The following ABCG4 variants were observed in gnomAD, a reference collection of about 807,000 sequenced individuals.
ABCG4 encodes the protein ATP-binding cassette sub-family G member 4.
Under a neutral mutation model 64.6 loss-of-function variants are expected in ABCG4, and 35 were observed. That is an observed-to-expected ratio of 0.54 (90% CI 0.41 to 0.72). The LOEUF is 0.72. Among genes scored for constraint, ABCG4 ranks in the 30% least tolerant of loss-of-function variants. The probability of loss-of-function intolerance (pLI) is 0.00; values close to 1 mark genes in which losing one functional copy is unlikely to be tolerated. For missense variants in ABCG4, 610 were observed against 846.3 expected, an observed-to-expected ratio of 0.72 and a Z score of 3.46; for synonymous variants, 326 against 348.2, an observed-to-expected ratio of 0.94 and a Z score of 0.71.
intron 9 of ABCG4, among the ~76,000 whole-genome samples, chr11:119,157,810 GA>G (rs1948286352): frequency 6.6e-6 from 1 of 152,154 alleles, no homozygotes; most frequent in African/African-American, 2.4e-5. Flanking sequence ...AGCTTGCAGT[GA>G]GCTGAGATTG....
chr11:119,158,186 G>T lies in ABCG4; in HGVS notation c.1069-48G>T, dbSNP rs748614293. 6.8e-7 allele frequency: 1 copy of T among 1,469,530 alleles called. No individual in the cohort carries two copies. Among genetic ancestry groups the T allele is most frequent in the East Asian group, 2.3e-5 (1 of 43,698 alleles). The allele number at this position is 1,469,530 out of a possible 1,614,324, so 91.0% of individuals were successfully genotyped here. The stretch of plus-strand genomic sequence containing the variant: ...ATTCACTGAGCTGGGTGTTCTGTGG[G>T]TGAATGGGGTAGGCTCACCTGATCC... On this transcript the variant is annotated intron_variant, in intron 9 of 14. Transcript: ENST00000619701. This position sits in a 1 kb window ranked among gnomAD's most constrained non-coding sequence, Gnocchi z 4.5.
chr11:119,154,431 CT>C lies in ABCG4; in HGVS notation c.489+40del. On this transcript the variant is annotated intron_variant, in intron 4 of 14. Coordinates refer to ENST00000619701, the MANE Select transcript of ABCG4 (RefSeq NM_022169.5). This position sits in a 1 kb window ranked among gnomAD's most constrained non-coding sequence, Gnocchi z 7.0. ...AGTCACCCCTCCTCCCAGCAACCCCCTCTGTCTGCTGTCGCCACCTTCACCA... is the reference window on the plus strand; with the variant it reads ...AGTCACCCCTCCTCCCAGCAACCCCCCTGTCTGCTGTCGCCACCTTCACCA... 1.2e-6 allele frequency: 2 copies of C among 1,614,140 alleles called. No individual in the cohort carries two copies. The highest frequency in any genetic ancestry group is 1.7e-6 in the Non-Finnish European group (2 of 1,180,020).
In ABCG4 at chr11:119,149,988, C is replaced by T; in HGVS notation, c.23C>T (p.Ala8Val). 6.2e-7 allele frequency: 1 copy of T among 1,609,000 alleles called. No individual in the cohort carries two copies. Among genetic ancestry groups the T allele is most frequent in the Non-Finnish European group, 8.5e-7 (1 of 1,179,828 alleles). The change falls in exon 2 of 15, where the codon GCC becomes GTC. Residue 8 changes from alanine to valine, a missense_variant. Physicochemically the swap from Ala to Val is moderately conservative, Grantham distance 64 (BLOSUM62 0). Coordinates refer to ENST00000619701, the MANE Select transcript of ABCG4 (RefSeq NM_022169.5). The surrounding 1 kb of genome is among the most constrained non-coding windows in gnomAD (Gnocchi z 8.3). MAEKALE[A>V]VGCGLGPGAV... ...GTGATGGCGGAGAAGGCGCTGGAGG[C>T]CGTGGGCTGTGGACTAGGGCCGGGG...
At chr11:119,153,112 C>T (rs1948213593) in intron 2 of ABCG4, 2 of 152,342 alleles carry the variant, frequency 1.3e-5, no homozygotes, top group African/African-American at 4.8e-5. Flanking sequence ...ATTCTATGTG[C>T]CAAGCACTGT....
Position 119,156,736 on chromosome 11 carries a change from T to C in ABCG4, c.925+58T>C, listed in dbSNP as rs1361494606. 1 of 1,602,448 alleles carries C rather than the reference T, an allele frequency of 6.2e-7. No homozygotes were observed. Among genetic ancestry groups the C allele is most frequent in the Non-Finnish European group, 8.5e-7 (1 of 1,169,768 alleles). ...ACAGCAGTGGGCCGAACCTGGGGTC[T>C]CTGGTCTTGCACTCAGGCCTCCTAG... On this transcript the variant is annotated intron_variant, in intron 8 of 14. Transcript: ENST00000619701. The surrounding 1 kb of genome is among the most constrained non-coding windows in gnomAD (Gnocchi z 5.5).
Position 119,149,250 on chromosome 11 carries a change from G to A in ABCG4, c.-126G>A, listed in dbSNP as rs912265261. The A allele has an allele frequency of 6.6e-6, 1 of 151,260 alleles. No individual in the cohort carries two copies. The highest frequency in any genetic ancestry group is 2.4e-5 in the African/African-American group (1 of 41,210). 9.4% of individuals were successfully genotyped at this position (151,260 alleles called of 1,614,324 possible). On this transcript the variant is annotated 5_prime_UTR_variant, in exon 1 of 15. Transcript: ENST00000619701. This position sits in a 1 kb window ranked among gnomAD's most constrained non-coding sequence, Gnocchi z 8.3. ...CCGGCCCGGGCCGCCGGGACCGGGA[G>A]CCGGGACGCGGGTGCCGCAGCCCGA...
chr11:119,149,295 G>T lies in ABCG4; in HGVS notation c.-81G>T, dbSNP rs1369370780. 1 of 151,698 alleles carries T rather than the reference G, an allele frequency of 6.6e-6. No homozygotes were observed. The highest frequency in any genetic ancestry group is 2.4e-5 in the African/African-American group (1 of 41,334). The allele number at this position is 151,698 out of a possible 1,614,324, so 9.4% of individuals were successfully genotyped here. A position where few individuals can be genotyped will look rare whatever the true frequency, so the allele number is the denominator to read the frequency against. ...GCCCGAGGCAGGTAAGGGGAGCCCC[G>T]GCTCTCCGTCCCCGGTCCGTGGCAG... On this transcript the variant is annotated 5_prime_UTR_variant, in exon 1 of 15. Coordinates refer to ENST00000619701, the MANE Select transcript of ABCG4 (RefSeq NM_022169.5). The surrounding 1 kb of genome is among the most constrained non-coding windows in gnomAD (Gnocchi z 8.3).
Position 119,156,157 on chromosome 11 carries a change from T to C in ABCG4, c.687-172T>C. 1 of 798,248 alleles carries C rather than the reference T, an allele frequency of 1.3e-6. No individual in the cohort carries two copies. The highest frequency in any genetic ancestry group is 2.0e-6 in the Non-Finnish European group (1 of 493,926). The allele number at this position is 798,248 out of a possible 1,614,324, so 49.4% of individuals were successfully genotyped here. On this transcript the variant is annotated intron_variant, in intron 6 of 14. Transcript: ENST00000619701. This position sits in a 1 kb window ranked among gnomAD's most constrained non-coding sequence, Gnocchi z 5.5. ...ATGCTTATGAAACTGAACAGTGCTC[T>C]TGGCTTCTGGGTATCCCTCCAAGTG...
chr11:119,160,499 C>A lies in ABCG4; in HGVS notation c.1597-39C>A. ...CTAGGAAACCTGGGTTTGTCCTGGT[C>A]ACCCCTATGATGGCCTGGCCCCCTC... On this transcript the variant is annotated intron_variant, in intron 13 of 14. Transcript: ENST00000619701. The surrounding 1 kb of genome is among the most constrained non-coding windows in gnomAD (Gnocchi z 4.6). 1 of 1,607,930 alleles carries A rather than the reference C, an allele frequency of 6.2e-7. No homozygotes were observed. The highest frequency in any genetic ancestry group is 1.1e-5 in the South Asian group (1 of 90,992).
Position 119,160,590 on chromosome 11 carries a change from GCTT to G in ABCG4, c.1653_1655del (p.Phe552del). 1.2e-6 allele frequency: 2 copies of G among 1,613,096 alleles called. No homozygotes were observed. Among genetic ancestry groups the G allele is most frequent in the Non-Finnish European group, 1.7e-6 (2 of 1,179,960 alleles). ...GCCATCCCTGTCCTCTTGTTCTCCG[GCTT>G]CTTTGTCAGCTTCAAGACCATCCCC... On this transcript the variant is annotated inframe_deletion, in exon 14 of 15. Coordinates refer to ENST00000619701, the MANE Select transcript of ABCG4 (RefSeq NM_022169.5). The surrounding 1 kb of genome is among the most constrained non-coding windows in gnomAD (Gnocchi z 4.6).
Position 119,160,585 on chromosome 11 carries a change from C to T in ABCG4, c.1644C>T (p.Phe548=). ...TTACCGCCATCCCTGTCCTCTTGTT[C>T]TCCGGCTTCTTTGTCAGCTTCAAGA... ...GPVTAIPVLL[F]SGFFVSFKTI... Residue 548 remains phenylalanine (F), a synonymous_variant, in exon 14 of 15, where the codon TTC becomes TTT. Transcript: ENST00000619701. This position sits in a 1 kb window ranked among gnomAD's most constrained non-coding sequence, Gnocchi z 4.6. 1 of 1,613,040 alleles carries T rather than the reference C, an allele frequency of 6.2e-7. No homozygotes were observed. Among genetic ancestry groups the T allele is most frequent in the Non-Finnish European group, 8.5e-7 (1 of 1,179,960 alleles).
In ABCG4 at chr11:119,154,414, C is replaced by G; in HGVS notation, c.489+22C>G. 2 of 1,614,106 alleles carry G rather than the reference C, an allele frequency of 1.2e-6. No homozygotes were observed. The highest frequency in any genetic ancestry group is 1.7e-6 in the Non-Finnish European group (2 of 1,179,998). ...GATGGTGAGGGCTGGATAGTCACCC[C>G]TCCTCCCAGCAACCCCCTCTGTCTG... On this transcript the variant is annotated intron_variant, in intron 4 of 14. Transcript: ENST00000619701. The surrounding 1 kb of genome is among the most constrained non-coding windows in gnomAD (Gnocchi z 7.0).
rs150237922 is a variant in ABCG4 at position 119,160,650 on chromosome 11, A to G, written c.1709A>G (p.Tyr570Cys). The G allele has an allele frequency of 6.2e-7, 1 of 1,612,710 alleles. No homozygotes were observed. The highest frequency in any genetic ancestry group is 1.3e-5 in the African/African-American group (1 of 74,820). The change falls in exon 14 of 15, where the codon TAT (tyrosine) becomes TGT (cysteine). Residue 570 changes from tyrosine (Y) to cysteine (C), a missense_variant. Tyr to Cys is a radical substitution (Grantham distance 194). Coordinates refer to ENST00000619701, the MANE Select transcript of ABCG4 (RefSeq NM_022169.5). This position sits in a 1 kb window ranked among gnomAD's most constrained non-coding sequence, Gnocchi z 4.6. Reference sequence around the variant, plus strand: ...CTGCAATGGAGCTCCTATCTCTCCTATGTCAGGTCAGTACCCCTGCCCTCC... The same window carrying G: ...CTGCAATGGAGCTCCTATCTCTCCTGTGTCAGGTCAGTACCCCTGCCCTCC... Reference protein sequence around the residue: ...TYLQWSSYLSYVRYGFEGVIL... With the variant: ...TYLQWSSYLSCVRYGFEGVIL...
intron 12 of ABCG4, 149 bp downstream of exon 12, chr11:119,159,078 C>T: frequency 3.9e-6 from 3 of 763,790 alleles, no homozygotes; most frequent in Non-Finnish European, 4.4e-6. Context: ...CTGTCATAGC[C>T]CAGGCTCTGT....
Position 119,160,484 on chromosome 11 carries a change from T to TGGGTTTGCCCTGGTCACCCC in ABCG4, c.1597-47_1597-46insCCCTGGTCACCCCGGGTTTG. 6.2e-7 allele frequency: 1 copy of TGGGTTTGCCCTGGTCACCCC among 1,608,204 alleles called. No homozygotes were observed. ...GGTTAGGGTGGAGCTCTAGGAAACC[T>TGGGTTTGCCCTGGTCACCCC]GGGTTTGTCCTGGTCACCCCTATGA... is the stretch of plus-strand genomic sequence containing the variant. On this transcript the variant is annotated intron_variant, in intron 13 of 14. Transcript: ENST00000619701. The surrounding 1 kb of genome is among the most constrained non-coding windows in gnomAD (Gnocchi z 4.6).
Position 119,156,851 on chromosome 11 carries a change from C to T in ABCG4, c.926-21C>T. 1 of 1,600,448 alleles carries T rather than the reference C, an allele frequency of 6.2e-7. No individual in the cohort carries two copies. The highest frequency in any genetic ancestry group is 1.1e-5 in the South Asian group (1 of 89,208). ...GAAGTGAGTGTGAATCTAAACTGAG[C>T]TCTCCACTCTGTGTCCCCAGTCATC... On this transcript the variant is annotated intron_variant, in intron 8 of 14. Coordinates refer to ENST00000619701, the MANE Select transcript of ABCG4 (RefSeq NM_022169.5). This position sits in a 1 kb window ranked among gnomAD's most constrained non-coding sequence, Gnocchi z 5.5.
chr11:119,159,026 T>G, intron 12 of ABCG4, 97 bp downstream of exon 12: 1 of 1,194,944 alleles, frequency 8.4e-7, no homozygotes. Context: ...CTTTCCTTCC[T>G]TTGCTGTCCT....
rs1432047991 is a variant in ABCG4 at position 119,156,424 on chromosome 11, G to T, written c.782G>T (p.Ser261Ile). The T allele has an allele frequency of 4.3e-6, 7 of 1,614,214 alleles. No homozygotes were observed. Among genetic ancestry groups the T allele is most frequent in the Non-Finnish European group, 5.9e-6 (7 of 1,180,040 alleles). Reference sequence around the variant, plus strand: ...ATCATCTGCACCATCCACCAGCCCAGTGCCAAGCTCTTTGAGATGTTTGAC... The same window carrying T: ...ATCATCTGCACCATCCACCAGCCCATTGCCAAGCTCTTTGAGATGTTTGAC... ...RTIICTIHQPSAKLFEMFDKL... is the reference protein window; with the variant it reads ...RTIICTIHQPIAKLFEMFDKL... The change falls in exon 7 of 15, where the codon AGT (serine) becomes ATT (isoleucine). Residue 261 changes from serine to isoleucine, a missense_variant. Physicochemically the swap from Ser to Ile is moderately radical, Grantham distance 142. Transcript: ENST00000619701. The surrounding 1 kb of genome is among the most constrained non-coding windows in gnomAD (Gnocchi z 5.5).
At position 119,156,599 on chromosome 11, in the gene ABCG4, A is replaced by G. The variant is rs150494059; in HGVS notation, c.846A>G (p.Lys282=). The G allele has an allele frequency of 1.8e-4, 289 of 1,614,128 alleles. No homozygotes were observed. The African/African-American group carries it at 3.4e-3, about 19-fold the overall frequency. The change falls in exon 8 of 15, where the codon AAA becomes AAG. Residue 282 remains lysine, a synonymous_variant. Coordinates refer to ENST00000619701, the MANE Select transcript of ABCG4 (RefSeq NM_022169.5). The surrounding 1 kb of genome is among the most constrained non-coding windows in gnomAD (Gnocchi z 5.5). ...TGAGCCAGGGTCAGTGCATCTTCAA[A>G]GGCGTGGTCACCAACCTGATCCCCT... ...YILSQGQCIF[K]GVVTNLIPYL...
Sources: gnomAD v4.1 joint callset for allele counts (sites outside exome capture counted in the v4.1 genomes callset) on GRCh38, gnomAD v4.1.1 for gene constraint, Gnocchi (gnomAD v3.1) non-coding constraint, MANE v1.5 for transcripts, NCBI Gene and HGNC (gene_info 2026-07-23, HGNC 2026-07-21) for gene names.